The following ZC3H4 variants were observed in gnomAD, a reference collection of about 807,000 sequenced individuals.
The protein encoded by ZC3H4 is zinc finger CCCH-type containing 4.
Under a neutral mutation model 108.3 loss-of-function variants are expected in ZC3H4, and 13 were observed. That is an observed-to-expected ratio of 0.12 (90% CI 0.08 to 0.19). The LOEUF is 0.19. Ranked by LOEUF, ZC3H4 falls within the 10% of genes least tolerant of loss-of-function variation. The probability of loss-of-function intolerance (pLI) is 1.00; values close to 1 mark genes in which losing one functional copy is unlikely to be tolerated. For synonymous variants in ZC3H4, 917 were observed against 749.6 expected, an observed-to-expected ratio of 1.22 and a Z score of -3.65; for missense variants, 1,734 against 1,838.8, an observed-to-expected ratio of 0.94 and a Z score of 1.04.
At position 47,067,920 on chromosome 19, in the gene ZC3H4, C is replaced by T. The variant is rs73943608; in HGVS notation, c.2399-51G>A. 1.7e-3 allele frequency: 2,555 copies of T among 1,518,512 alleles called. 40 individuals carry two copies. The African/African-American group carries it at 0.031, about 18-fold the overall frequency. 94.1% of individuals were successfully genotyped at this position (1,518,512 alleles called of 1,614,324 possible). ...GGGGTGAGTGGGCGCATCCACCACC[C>T]GCCCTCTTGGATCCCACAGCAGCCC... On this transcript the variant is annotated intron_variant, in intron 14 of 14. Coordinates refer to ENST00000253048, the MANE Select transcript of ZC3H4 (RefSeq NM_015168.2). This position sits in a 1 kb window ranked among gnomAD's most constrained non-coding sequence, Gnocchi z 6.4.
In ZC3H4 at chr19:47,072,594, A is replaced by C. The variant is rs1481734457; in HGVS notation, c.1560T>G (p.Pro520=). ...PPPGVGLLPT[P]PRPPGPQAPT... ...GAGCCTGCGGGCCAGGGGGCCGAGG[A>C]GGGGTGGGCAGGAGGCCCACACCAG... Residue 520 remains proline, a synonymous_variant, in exon 12 of 15, where the codon CCT becomes CCG. Transcript: ENST00000253048. This position sits in a 1 kb window ranked among gnomAD's most constrained non-coding sequence, Gnocchi z 5.6. The C allele has an allele frequency of 1.3e-6, 2 of 1,575,362 alleles. No individual in the cohort carries two copies. The highest frequency in any genetic ancestry group is 1.7e-6 in the Non-Finnish European group (2 of 1,165,108).
At chr19:47,080,248 T>C (rs187140293) in intron 11 of ZC3H4, among the ~76,000 whole-genome samples, 2 of 152,284 alleles carry the variant, frequency 1.3e-5, no homozygotes, top group East Asian at 1.9e-4. Flanking sequence ...GATGTTTGGG[T>C]ATTTAACCCT....
intron 13 of ZC3H4, among the ~76,000 whole-genome samples, chr19:47,071,329 C>G (rs139109820): frequency 2.4e-4 from 37 of 152,190 alleles, no homozygotes; most frequent in African/African-American, 8.7e-4. Flanking sequence ...CATTTGTTAC[C>G]AATGCAAAAG....
intron 8 of ZC3H4, among the ~76,000 whole-genome samples, chr19:47,084,743 G>A (rs1403773591): frequency 2.6e-5 from 4 of 152,188 alleles, no homozygotes; most frequent in African/African-American, 9.7e-5. Context: ...CCCAGAGGTG[G>A]TGGCATGGGT....
In ZC3H4 at chr19:47,067,889, C is replaced by T; in HGVS notation, c.2399-20G>A. 1.3e-6 allele frequency: 2 copies of T among 1,566,900 alleles called. No homozygotes were observed. Among genetic ancestry groups the T allele is most frequent in the Non-Finnish European group, 1.7e-6 (2 of 1,160,130 alleles). The stretch of plus-strand genomic sequence containing the variant: ...TGTCACCTGGGAAAGAACAGAGGAG[C>T]AGGGAGGGGTGAGTGGGCGCATCCA... On this transcript the variant is annotated intron_variant, in intron 14 of 14. Transcript: ENST00000253048. The surrounding 1 kb of genome is among the most constrained non-coding windows in gnomAD (Gnocchi z 6.4).
At chr19:47,086,606 C>T in intron 5 of ZC3H4, 68 bp from the exon 6 acceptor site, 2 of 1,497,078 alleles carry the variant, frequency 1.3e-6, no homozygotes, top group Non-Finnish European at 8.8e-7. Context: ...GAAGACAACC[C>T]ACATTTTGCT....
chr19:47,088,779 T>C (rs35471788), intron 5 of ZC3H4, among the ~76,000 whole-genome samples: 32 of 152,082 alleles, frequency 2.1e-4, no homozygotes, highest in Admixed American at 4.6e-4. Context: ...AGTGTCCTTT[T>C]CACTTTTTAA....
intron 2 of ZC3H4, among the ~76,000 whole-genome samples, chr19:47,109,188 CAG>C (rs2058005175): frequency 6.6e-6 from 1 of 152,024 alleles, no homozygotes; most frequent in Non-Finnish European, 1.5e-5. Flanking sequence ...ATTTCAAAAA[CAG>C]ATTACCAAAA....
Position 47,110,944 on chromosome 19 carries a change from G to C in ZC3H4, c.161+1480C>G, listed in dbSNP as rs978738991. The stretch of plus-strand genomic sequence containing the variant: ...AATGTGGGTGGCATTTCTTTTAAAA[G>C]GCAAAGTATGGTCTGTGAAGGAGAA... On this transcript the variant is annotated intron_variant, in intron 2 of 14. Transcript: ENST00000253048. 11 of 984,730 alleles carry C rather than the reference G, an allele frequency of 1.1e-5. No homozygotes were observed. The African/African-American group carries it at 1.7e-4, about 16-fold the overall frequency. The allele number at this position is 984,730 out of a possible 1,614,324, so 61.0% of individuals were successfully genotyped here. A position where few individuals can be genotyped will look rare whatever the true frequency, so the allele number is the denominator to read the frequency against.
At chr19:47,081,400 A>C in intron 11 of ZC3H4, 113 bp downstream of exon 11, 1 of 813,378 alleles carries the variant, frequency 1.2e-6, no homozygotes. Flanking sequence ...CCAATTCCAG[A>C]TCAACCAAAC....
intron 11 of ZC3H4, among the ~76,000 whole-genome samples, chr19:47,077,314 C>T (rs1380355396): frequency 6.6e-6 from 1 of 150,700 alleles, no homozygotes; most frequent in African/African-American, 2.4e-5. Flanking sequence ...ACTAAAAATA[C>T]AAAAATTAGC....
chr19:47,090,946 T>C (rs79003335), intron 4 of ZC3H4, among the ~76,000 whole-genome samples: 4,843 of 152,274 alleles, frequency 0.032, 358 homozygotes, highest in East Asian at 0.25. Context: ...TGCTCAATTT[T>C]GAATAAACTT....
chr19:47,111,878 C>A (rs951568903), intron 2 of ZC3H4, among the ~76,000 whole-genome samples: 1 of 152,196 alleles, frequency 6.6e-6, no homozygotes, highest in Non-Finnish European at 1.5e-5. Flanking sequence ...GTGTGCCTCC[C>A]CCAGGAGAAA....
At chr19:47,108,177 G>A (rs1448350856) in intron 2 of ZC3H4, among the ~76,000 whole-genome samples, 1 of 151,946 alleles carries the variant, frequency 6.6e-6, no homozygotes, top group Non-Finnish European at 1.5e-5. Context: ...CAAGGCACAG[G>A]TTAAGCGCCT....
In ZC3H4 at chr19:47,112,420, T is replaced by A; in HGVS notation, c.161+4A>T. The stretch of plus-strand genomic sequence containing the variant: ...CGCAGCCCCGGCCCAACCGGGGGCC[T>A]GACCTGTCGTCAGGGAGCGGGAGGC... On this transcript the variant is annotated splice_donor_region_variant and intron_variant, in intron 2 of 14. Transcript: ENST00000253048. The A allele has an allele frequency of 8.1e-7, 1 of 1,234,290 alleles. No homozygotes were observed. The highest frequency in any genetic ancestry group is 1.0e-6 in the Non-Finnish European group (1 of 987,544). 76.5% of individuals were successfully genotyped at this position (1,234,290 alleles called of 1,614,324 possible).
chr19:47,113,075 C>G (rs1267778288), intron 1 of ZC3H4, among the ~76,000 whole-genome samples: 2 of 152,252 alleles, frequency 1.3e-5, no homozygotes, highest in Non-Finnish European at 2.9e-5. Context: ...CTGGGTGCCC[C>G]GGCTGCCCGG....
intron 4 of ZC3H4, among the ~76,000 whole-genome samples, chr19:47,093,405 G>C (rs1473600686): frequency 2.0e-5 from 3 of 152,020 alleles, no homozygotes; most frequent in African/African-American, 7.3e-5. Context: ...TTCCCAAAAA[G>C]GTCATTTGTG....
rs746198029 is a variant in ZC3H4, at chr19:47,071,902, G to A, written c.2022C>T (p.Tyr674=). The part of the protein sequence containing the change: ...MGPGGPPMMP[Y]GPGDSPHSGM... Reference sequence around the variant, plus strand: ...CAGAATGTGGGGAGTCTCCAGGGCCGTAGGGCATCATTGGAGGGCCGCCAG... The same window carrying A: ...CAGAATGTGGGGAGTCTCCAGGGCCATAGGGCATCATTGGAGGGCCGCCAG... Residue 674 remains tyrosine (Y), a synonymous_variant, in exon 13 of 15, where the codon TAC becomes TAT. Transcript: ENST00000253048. 8.6e-5 allele frequency: 139 copies of A among 1,612,236 alleles called. No homozygotes were observed. Among genetic ancestry groups the A allele is most frequent in the Non-Finnish European group, 1.1e-4 (126 of 1,179,228 alleles).
chr19:47,113,035 C>G (rs1295642103), intron 1 of ZC3H4, among the ~76,000 whole-genome samples: 1 of 152,226 alleles, frequency 6.6e-6, no homozygotes, highest in East Asian at 1.9e-4. Context: ...GCCGCGGAGA[C>G]GGGCCGACTG....
Sources: allele counts gnomAD v4.1 joint callset (sites outside exome capture counted in the v4.1 genomes callset), GRCh38; gene constraint gnomAD v4.1.1; non-coding constraint Gnocchi (gnomAD v3.1); transcripts MANE v1.5; gene names NCBI Gene and HGNC (gene_info 2026-07-23, HGNC 2026-07-21).